TRAPPC9: variants seen among roughly 807,000 people sequenced by gnomAD.
TRAPPC9 encodes trafficking protein particle complex subunit 9, also known as IKK2 binding protein.
A neutral mutation model predicts 124.0 loss-of-function variants in TRAPPC9; 83 were observed. The ratio of observed to expected loss-of-function variants is 0.67; its 90% CI spans 0.56 to 0.80. TRAPPC9 has a LOEUF of 0.80. Among genes scored for constraint, TRAPPC9 ranks in the 30% least tolerant of loss-of-function variants. TRAPPC9 has a pLI of 0.00. For missense variants in TRAPPC9, 1,302 were observed against 1,508.3 expected (o/e 0.86, Z 2.27); for synonymous variants, 638 against 617.5 (o/e 1.03, Z -0.49).
chr8:140,134,917 G>A (rs1245272552), intron 17 of TRAPPC9, among the ~76,000 whole-genome samples: 1 of 152,166 alleles, frequency 6.6e-6, no homozygotes, highest in African/African-American at 2.4e-5. Context: ...TGCAAATCAT[G>A]TATCTGATAA....
At chr8:139,894,073 C>T (rs1011688052) in intron 20 of TRAPPC9, among the ~76,000 whole-genome samples, 8 of 152,240 alleles carry the variant, frequency 5.3e-5, no homozygotes, top group Admixed American at 1.3e-4. Flanking sequence ...GTTACTCCAT[C>T]GGCCACACCA....
intron 15 of TRAPPC9, among the ~76,000 whole-genome samples, chr8:140,267,662 C>CGTT (rs145727531): frequency 2.4e-4 from 37 of 151,754 alleles, no homozygotes; most frequent in African/African-American, 4.8e-4. Flanking sequence ...TGGGGTTTTT[C>CGTT]GTTGTTGTTG....
In TRAPPC9 at chr8:140,116,536, C is replaced by T. The variant is rs556170527; in HGVS notation, c.2557-92457G>A. ...TGATGAGTCATTTGTTTGGCATTGC[C>T]GTTATTTTATTGATGCTGATGCCTG... is the stretch of plus-strand genomic sequence containing the variant. On this transcript the variant is annotated intron_variant, in intron 17 of 22. Coordinates refer to ENST00000438773, the MANE Select transcript of TRAPPC9 (RefSeq NM_001160372.4). Among the ~76,000 whole-genome samples, 28 of 152,146 alleles carry T rather than the reference C, an allele frequency of 1.8e-4. No homozygotes were observed. In the South Asian group the frequency reaches 4.2e-3, roughly 23 times the overall value.
intron 9 of TRAPPC9, among the ~76,000 whole-genome samples, chr8:140,330,653 T>C (rs2066871349): frequency 6.6e-6 from 1 of 152,216 alleles, no homozygotes; most frequent in Non-Finnish European, 1.5e-5. Flanking sequence ...TTTCAAGCAC[T>C]GCCTAGAAAA....
At chr8:140,116,623 T>C (rs186867976) in intron 17 of TRAPPC9, among the ~76,000 whole-genome samples, 1 of 152,318 alleles carries the variant, frequency 6.6e-6, no homozygotes, top group Admixed American at 6.5e-5. Context: ...GCACTAAAAT[T>C]GATTCATGAT....
intron 19 of TRAPPC9, among the ~76,000 whole-genome samples, chr8:139,977,138 A>G (rs1836528024): frequency 6.6e-6 from 1 of 152,146 alleles, no homozygotes; most frequent in Non-Finnish European, 1.5e-5. Flanking sequence ...GTTTCGAGCC[A>G]TGCAGGAGAA....
intron 21 of TRAPPC9, among the ~76,000 whole-genome samples, chr8:139,760,580 C>A (rs1180249732): frequency 6.6e-6 from 1 of 152,204 alleles, no homozygotes; most frequent in South Asian, 2.1e-4. Context: ...TTGTGAGAAT[C>A]CTACGAAGTC....
chr8:140,260,936 T>C (rs1255407557), intron 15 of TRAPPC9, among the ~76,000 whole-genome samples: 3 of 152,176 alleles, frequency 2.0e-5, no homozygotes, highest in Non-Finnish European at 2.9e-5. Context: ...TGAAAAGATA[T>C]GGCAGAAAAG....
At chr8:140,026,070 C>G (rs1457970720) in intron 17 of TRAPPC9, among the ~76,000 whole-genome samples, 1 of 152,208 alleles carries the variant, frequency 6.6e-6, no homozygotes, top group African/African-American at 2.4e-5. Context: ...ATTTGACACT[C>G]TAGGCACCTT....
At chr8:139,834,368 C>T (rs944003300) in intron 21 of TRAPPC9, among the ~76,000 whole-genome samples, 4 of 152,188 alleles carry the variant, frequency 2.6e-5, no homozygotes, top group Non-Finnish European at 5.9e-5. Flanking sequence ...AGGGCTGTGT[C>T]GGGAGCAGTG....
rs528888880 is a variant in TRAPPC9, at chr8:140,128,460, G to A, written c.2556+92999C>T. On this transcript the variant is annotated intron_variant, in intron 17 of 22. Coordinates refer to ENST00000438773, the MANE Select transcript of TRAPPC9 (RefSeq NM_001160372.4). ...CAGTGACTAATGGTCTGAGGTTAAT[G>A]AGCGGCTAAAGGCCAAGGGTGGGGA... Among the ~76,000 whole-genome samples, 7 of 152,364 alleles carry A rather than the reference G, an allele frequency of 4.6e-5. No homozygotes were observed. The South Asian group carries it at 8.3e-4, about 18-fold the overall frequency.
chr8:139,941,682 T>C (rs1244066385), intron 19 of TRAPPC9, among the ~76,000 whole-genome samples: 6 of 152,204 alleles, frequency 3.9e-5, no homozygotes, highest in African/African-American at 1.2e-4. Context: ...ACAGCGTGAC[T>C]GTAACTGTGG....
intron 16 of TRAPPC9, among the ~76,000 whole-genome samples, chr8:140,249,610 T>G (rs2064080006): frequency 7.1e-6 from 1 of 140,922 alleles, no homozygotes; most frequent in Non-Finnish European, 1.5e-5. Flanking sequence ...TTTTTTTTTT[T>G]TTTTTTTTTT....
intron 21 of TRAPPC9, among the ~76,000 whole-genome samples, chr8:139,752,391 G>C (rs145131942): frequency 1.7e-4 from 16 of 92,796 alleles, no homozygotes; most frequent in African/African-American, 5.8e-4. Context: ...ATCCACAATT[G>C]AACCATCCAC....
chr8:140,036,376 C>G (rs1441149384), intron 17 of TRAPPC9, among the ~76,000 whole-genome samples: 1 of 152,104 alleles, frequency 6.6e-6, no homozygotes, highest in African/African-American at 2.4e-5. Context: ...CATTGACGGT[C>G]AGGCTCCGCA....
intron 21 of TRAPPC9, among the ~76,000 whole-genome samples, chr8:139,790,028 G>T (rs1260087513): frequency 6.6e-6 from 1 of 152,196 alleles, no homozygotes; most frequent in African/African-American, 2.4e-5. Context: ...GGGCCTGGCC[G>T]GGCTGGGGAA....
chr8:140,119,214 C>A (rs1272894760), intron 17 of TRAPPC9, among the ~76,000 whole-genome samples: 1 of 152,250 alleles, frequency 6.6e-6, no homozygotes, highest in Non-Finnish European at 1.5e-5. Flanking sequence ...CTGCAGCCAG[C>A]AAGCACACGG....
intron 21 of TRAPPC9, among the ~76,000 whole-genome samples, chr8:139,863,648 C>CT (rs1035357128): frequency 3.3e-5 from 5 of 152,236 alleles, no homozygotes; most frequent in Non-Finnish European, 7.3e-5. Flanking sequence ...CAGGCGTTCC[C>CT]TGAAGGGGCC....
intron 21 of TRAPPC9, among the ~76,000 whole-genome samples, chr8:139,868,040 G>A (rs1021795311): frequency 5.3e-5 from 8 of 152,192 alleles, no homozygotes; most frequent in African/African-American, 1.7e-4. Flanking sequence ...GGAGGTGTTT[G>A]GGGCATCAGA....
Sources: allele counts gnomAD v4.1 joint callset (sites outside exome capture counted in the v4.1 genomes callset), GRCh38; gene constraint gnomAD v4.1.1; transcripts MANE v1.5; gene names NCBI Gene and HGNC (gene_info 2026-07-23, HGNC 2026-07-21).